Variants in GRIK2 observed in about 807,000 individuals in gnomAD.
The protein encoded by GRIK2 is glutamate ionotropic receptor kainate type subunit 2.
A neutral mutation model predicts 100.3 loss-of-function variants in GRIK2; 32 were observed. That is an observed-to-expected ratio of 0.32 (90% CI 0.24 to 0.43). GRIK2 has a LOEUF of 0.43. GRIK2 is among the 20% of genes least tolerant of loss of function. The pLI is 1.00. For missense variants in GRIK2, 843 were observed against 1,114.9 expected (o/e 0.76, Z 3.47); for synonymous variants, 417 against 389.4 (o/e 1.07, Z -0.83).
At chr6:101,530,090 T>C (rs192043808) in intron 2 of GRIK2, among the ~76,000 whole-genome samples, 2 of 152,126 alleles carry the variant, frequency 1.3e-5, no homozygotes, top group Admixed American at 1.3e-4. Context: ...TGACTACATA[T>C]TGAGTCTATA....
rs775417100 is a variant in GRIK2 at position 102,036,230 on chromosome 6, AACACACACACACAC to A, written c.2311+682_2311+695del. On this transcript the variant is annotated intron_variant, in intron 15 of 16. Transcript: ENST00000369134. ...TATGTATATGATGGTGCCGTAAGTA[AACACACACACACAC>A]ACACACACACACACACATATATATA... Among the ~76,000 whole-genome samples the A allele has an allele frequency of 4.8e-5, 7 of 146,310 alleles. No homozygotes were observed. In the South Asian group the frequency reaches 1.5e-3, roughly 32 times the overall value.
chr6:101,484,831 AG>A (rs1222888325), intron 2 of GRIK2, among the ~76,000 whole-genome samples: 1 of 152,136 alleles, frequency 6.6e-6, no homozygotes, highest in African/African-American at 2.4e-5. Context: ...ATTTTAGACA[AG>A]TATGAAATTA....
intron 7 of GRIK2, among the ~76,000 whole-genome samples, chr6:101,731,727 G>C (rs1374000442): frequency 6.6e-6 from 1 of 151,918 alleles, no homozygotes; most frequent in Non-Finnish European, 1.5e-5. Context: ...GTATAGACTA[G>C]GAATATGCAA....
At chr6:102,025,346 T>A (rs1191509325) in intron 14 of GRIK2, among the ~76,000 whole-genome samples, 2 of 151,134 alleles carry the variant, frequency 1.3e-5, no homozygotes, top group Non-Finnish European at 3.0e-5. Flanking sequence ...ATTGAACAGA[T>A]AAATAAGTAT....
intron 14 of GRIK2, among the ~76,000 whole-genome samples, chr6:101,951,775 C>T (rs1791619861): frequency 6.6e-6 from 1 of 152,198 alleles, no homozygotes; most frequent in African/African-American, 2.4e-5. Context: ...CCATGTTAGA[C>T]ATGTTTTGCT....
intron 4 of GRIK2, among the ~76,000 whole-genome samples, chr6:101,668,221 T>A (rs2128336854): frequency 6.6e-6 from 1 of 152,266 alleles, no homozygotes; most frequent in African/African-American, 2.4e-5. Context: ...CTCTTCTCTC[T>A]TATTTCTCTA....
intron 12 of GRIK2, among the ~76,000 whole-genome samples, chr6:101,913,625 A>G (rs1229707603): frequency 6.6e-6 from 1 of 151,526 alleles, no homozygotes; most frequent in Non-Finnish European, 1.5e-5. Context: ...TAAAATAAAT[A>G]TGGAGTAGCA....
chr6:101,624,792 C>T (rs1022193026), intron 3 of GRIK2, among the ~76,000 whole-genome samples: 3 of 152,026 alleles, frequency 2.0e-5, no homozygotes, highest in African/African-American at 7.2e-5. Context: ...CCAGGAGTGG[C>T]ACCATCATGG....
intron 11 of GRIK2, 21 bp from the exon 12 acceptor site, chr6:101,889,619 T>TG: frequency 9.1e-7 from 1 of 1,101,350 alleles, no homozygotes; most frequent in Non-Finnish European, 1.3e-6. Flanking sequence ...TTTTTTTTTT[T>TG]TTGTTTGTTT....
chr6:101,471,468 G>A (rs1263634636), intron 2 of GRIK2, among the ~76,000 whole-genome samples: 1 of 151,764 alleles, frequency 6.6e-6, no homozygotes, highest in African/African-American at 2.4e-5. Context: ...ATGTTTTTGA[G>A]TTAATTATTT....
In GRIK2 at chr6:101,740,819, C is replaced by T. The variant is rs137945077; in HGVS notation, c.951+54466C>T. 3.1e-3 allele frequency among the ~76,000 whole-genome samples: 479 copies of T among 152,184 alleles called. 1 individual carries two copies. The highest frequency in any genetic ancestry group is 6.8e-3 in the Middle Eastern group (2 of 294). The stretch of plus-strand genomic sequence containing the variant: ...CAGGTTCTTTTTAACCTCTAGCTCT[C>T]CTGTTAACTAATAGAGCAAGAACTT... On this transcript the variant is annotated intron_variant, in intron 7 of 16. Transcript: ENST00000369134.
intron 2 of GRIK2, among the ~76,000 whole-genome samples, chr6:101,513,381 T>G (rs1774418546): frequency 6.6e-6 from 1 of 152,166 alleles, no homozygotes; most frequent in African/African-American, 2.4e-5. Flanking sequence ...GTGGCTGTCC[T>G]TAGAGACAAT....
At chr6:101,995,014 C>A (rs773176564) in intron 14 of GRIK2, among the ~76,000 whole-genome samples, 3 of 151,896 alleles carry the variant, frequency 2.0e-5, no homozygotes, top group Non-Finnish European at 4.4e-5. Context: ...TTGATCACTA[C>A]TGTGATATAG....
chr6:101,424,730 C>A, intron 2 of GRIK2, among the ~76,000 whole-genome samples: 1 of 151,576 alleles, frequency 6.6e-6, no homozygotes, highest in African/African-American at 2.4e-5. Flanking sequence ...CCCCCACCCA[C>A]AACAGTCCCC....
At chr6:101,899,349 T>G (rs550993928) in intron 12 of GRIK2, among the ~76,000 whole-genome samples, 21 of 152,112 alleles carry the variant, frequency 1.4e-4, no homozygotes, top group African/African-American at 5.1e-4. Context: ...TTTATACTCA[T>G]TTTTGAAATT....
intron 2 of GRIK2, among the ~76,000 whole-genome samples, chr6:101,494,034 TTTA>T (rs1042013155): frequency 1.8e-3 from 163 of 88,864 alleles, no homozygotes; most frequent in Non-Finnish European, 2.1e-3. Flanking sequence ...ATATATATAA[TTTA>T]TTATATAAAA....
intron 11 of GRIK2, 39 bp from the exon 12 acceptor site, chr6:101,889,601 C>CTT: frequency 2.0e-6 from 2 of 1,017,518 alleles, no homozygotes; most frequent in Non-Finnish European, 1.4e-6. Context: ...CTCTTTCTTT[C>CTT]TTTCTTTTTT....
chr6:101,623,290 C>A (rs1192960426), intron 3 of GRIK2, among the ~76,000 whole-genome samples: 3 of 152,036 alleles, frequency 2.0e-5, no homozygotes, highest in Non-Finnish European at 4.4e-5. Flanking sequence ...TTTGCATGCC[C>A]TTTGAATTCA....
At chr6:101,663,277 G>A (rs917890179) in intron 4 of GRIK2, among the ~76,000 whole-genome samples, 21 of 152,148 alleles carry the variant, frequency 1.4e-4, no homozygotes, top group African/African-American at 4.6e-4. Flanking sequence ...GCACAAGTGG[G>A]GATTAAAGAA....
Sources: allele counts gnomAD v4.1 joint callset (sites outside exome capture counted in the v4.1 genomes callset), GRCh38; gene constraint gnomAD v4.1.1; transcripts MANE v1.5; gene names NCBI Gene and HGNC (gene_info 2026-07-23, HGNC 2026-07-21).